Variants in GRIA2 observed in about 807,000 individuals in gnomAD.
GRIA2 encodes the protein glutamate receptor 2.
Under a neutral mutation model 97.3 loss-of-function variants are expected in GRIA2, and 14 were observed. That is an observed-to-expected ratio of 0.14 (90% CI 0.10 to 0.23). The LOEUF is 0.23. Ranked by LOEUF, GRIA2 falls within the 10% of genes least tolerant of loss-of-function variation. The pLI is 1.00. For missense variants in GRIA2, 558 were observed against 1,069.8 expected (o/e 0.52, Z 6.67); for synonymous variants, 412 against 387.8 (o/e 1.06, Z -0.73).
intron 2 of GRIA2, among the ~76,000 whole-genome samples, chr4:157,284,471 C>T (rs1440448817): frequency 6.6e-6 from 1 of 151,670 alleles, no homozygotes; most frequent in Non-Finnish European, 1.5e-5. Context: ...TATGTCAGAC[C>T]TACACACAGT....
At chr4:157,301,985 C>G (rs1192697380) in intron 2 of GRIA2, among the ~76,000 whole-genome samples, 1 of 151,918 alleles carries the variant, frequency 6.6e-6, no homozygotes, top group Admixed American at 6.6e-5. Context: ...CCAGCCTGAC[C>G]AACAAGGTGA....
intron 2 of GRIA2, among the ~76,000 whole-genome samples, chr4:157,230,692 G>C (rs1307412236): frequency 1.3e-5 from 2 of 151,162 alleles, no homozygotes; most frequent in Admixed American, 1.3e-4. Context: ...TTGCATGTCT[G>C]TGGTCAATCT....
chr4:157,271,865 G>C (rs1732041175), intron 2 of GRIA2, among the ~76,000 whole-genome samples: 1 of 152,064 alleles, frequency 6.6e-6, no homozygotes, highest in African/African-American at 2.4e-5. Flanking sequence ...TTTAGGAGTT[G>C]TTTGTCAAGA....
chr4:157,338,029 T>C (rs1735376325), intron 11 of GRIA2, among the ~76,000 whole-genome samples: 1 of 11,932 alleles, frequency 8.4e-5, no homozygotes, highest in East Asian at 4.5e-3. Flanking sequence ...TATATATATA[T>C]ATATATATAT....
chr4:157,226,025 G>A (rs899479130), intron 2 of GRIA2, among the ~76,000 whole-genome samples: 9 of 151,574 alleles, frequency 5.9e-5, no homozygotes, highest in Non-Finnish European at 1.2e-4. Flanking sequence ...GATTCTACAG[G>A]GTTTGAAAAT....
chr4:157,258,635 T>G (rs961086544), intron 2 of GRIA2, among the ~76,000 whole-genome samples: 13 of 152,124 alleles, frequency 8.5e-5, no homozygotes, highest in African/African-American at 2.9e-4. Context: ...ATGTGATCTC[T>G]GTGACCCACA....
At chr4:157,281,101 A>G (rs1314060362) in intron 2 of GRIA2, among the ~76,000 whole-genome samples, 2 of 152,028 alleles carry the variant, frequency 1.3e-5, no homozygotes, top group African/African-American at 2.4e-5. Flanking sequence ...ACAATACCCA[A>G]TGTAAATAGG....
At chr4:157,289,058 A>G (rs1183604407) in intron 2 of GRIA2, among the ~76,000 whole-genome samples, 1 of 151,804 alleles carries the variant, frequency 6.6e-6, no homozygotes, top group Non-Finnish European at 1.5e-5. Context: ...AAGAAGTGGC[A>G]GAAAGTACAT....
chr4:157,283,558 T>C (rs1732704353), intron 2 of GRIA2, among the ~76,000 whole-genome samples: 2 of 152,024 alleles, frequency 1.3e-5, no homozygotes, highest in Admixed American at 1.3e-4. Context: ...CAAAAATTCA[T>C]CAGAATCACT....
At chr4:157,340,766 T>G (rs746318139) in intron 11 of GRIA2, among the ~76,000 whole-genome samples, 12 of 151,986 alleles carry the variant, frequency 7.9e-5, no homozygotes, top group Non-Finnish European at 1.5e-4. Flanking sequence ...TAACAAAATT[T>G]GAGGCCTTTT....
intron 11 of GRIA2, among the ~76,000 whole-genome samples, chr4:157,339,260 A>G (rs1735442758): frequency 6.6e-6 from 1 of 151,962 alleles, no homozygotes; most frequent in African/African-American, 2.4e-5. Flanking sequence ...TTAAAAAATG[A>G]TTTAGTAGGG....
intron 2 of GRIA2, among the ~76,000 whole-genome samples, chr4:157,257,415 A>C (rs1023373411): frequency 1.3e-5 from 2 of 152,076 alleles, no homozygotes; most frequent in East Asian, 3.9e-4. Flanking sequence ...GTGTCTTAAA[A>C]ATACAGGTCT....
At chr4:157,288,716 G>T (rs1732958247) in intron 2 of GRIA2, among the ~76,000 whole-genome samples, 1 of 151,706 alleles carries the variant, frequency 6.6e-6, no homozygotes, top group African/African-American at 2.4e-5. Context: ...TCTGTAGTTT[G>T]TATTCAGATA....
At chr4:157,333,435 T>A in intron 8 of GRIA2, 82 bp downstream of exon 8, 1 of 631,454 alleles carries the variant, frequency 1.6e-6, no homozygotes, top group Non-Finnish European at 2.8e-6. Flanking sequence ...CAGAGAATTC[T>A]GGAGATGTGT....
intron 2 of GRIA2, among the ~76,000 whole-genome samples, chr4:157,292,145 AC>A (rs1315978572): frequency 2.6e-5 from 4 of 152,028 alleles, no homozygotes; most frequent in Non-Finnish European, 4.4e-5. Flanking sequence ...AAAATGCAAA[AC>A]AATAGGTACA....
At chr4:157,244,161 G>A (rs1579299315) in intron 2 of GRIA2, among the ~76,000 whole-genome samples, 1 of 152,010 alleles carries the variant, frequency 6.6e-6, no homozygotes, top group East Asian at 1.9e-4. Flanking sequence ...AATACAAAGG[G>A]CCTGAATGAG....
chr4:157,340,382 C>A (rs892195762), intron 11 of GRIA2, among the ~76,000 whole-genome samples: 5 of 151,904 alleles, frequency 3.3e-5, no homozygotes, highest in African/African-American at 1.2e-4. Context: ...CAGTATATAT[C>A]TTTTTCTATA....
chr4:157,319,097 CT>C (rs1461600646), intron 5 of GRIA2, among the ~76,000 whole-genome samples: 1 of 152,130 alleles, frequency 6.6e-6, no homozygotes, highest in Non-Finnish European at 1.5e-5. Flanking sequence ...TTCTCTAGGA[CT>C]TTCCTTTAGA....
At chr4:157,296,559 T>C (rs993324873) in intron 2 of GRIA2, among the ~76,000 whole-genome samples, 2 of 152,172 alleles carry the variant, frequency 1.3e-5, no homozygotes, top group African/African-American at 4.8e-5. Flanking sequence ...TATTATCTAA[T>C]TTAAACTTAA....
Sources: gnomAD v4.1 joint callset for allele counts (sites outside exome capture counted in the v4.1 genomes callset) on GRCh38, gnomAD v4.1.1 for gene constraint, MANE v1.5 for transcripts, NCBI Gene and HGNC (gene_info 2026-07-23, HGNC 2026-07-21) for gene names.